Variants in ZNF469 observed in about 807,000 individuals in gnomAD.
The protein encoded by ZNF469 is zinc finger protein 469.
ZNF469 carries 1 observed loss-of-function variant against 1.0 expected under a neutral mutation model. The observed-to-expected ratio is 1.00, with a 90% CI of 0.35 to 4.73. ZNF469 has a LOEUF of 4.73. ZNF469 is among the 30% of genes most tolerant of loss of function. The probability of loss-of-function intolerance (pLI) is 0.16; values close to 1 mark genes in which losing one functional copy is unlikely to be tolerated. For synonymous variants in ZNF469, 2,703 were observed against 2,363.4 expected (o/e 1.14, Z -4.17); for missense variants, 6,100 against 5,356.3 (o/e 1.14, Z -4.33).
chr16:88,245,093 C>T, the ZNF469 span, among the ~76,000 whole-genome samples: 1 of 152,086 alleles, frequency 6.6e-6, no homozygotes, highest in Non-Finnish European at 1.5e-5. Context: ...AGCATTTGGT[C>T]TCTGTGGACC....
intron 1 of ZNF469, among the ~76,000 whole-genome samples, chr16:88,404,009 G>A (rs1051528745): frequency 2.0e-5 from 3 of 152,244 alleles, no homozygotes; most frequent in South Asian, 2.1e-4. Context: ...TGCAAACACA[G>A]CCTCTGTGCC....
chr16:88,119,923 C>T, the ZNF469 span, among the ~76,000 whole-genome samples: 1 of 152,166 alleles, frequency 6.6e-6, no homozygotes, highest in East Asian at 1.9e-4. Flanking sequence ...AAGCGAGAGC[C>T]GTCTGTGGAG....
chr16:88,184,650 C>T, the ZNF469 span, among the ~76,000 whole-genome samples: 1 of 152,110 alleles, frequency 6.6e-6, no homozygotes, highest in South Asian at 2.1e-4. Flanking sequence ...CCGCTGTCGC[C>T]GCAAAGCAGA....
the ZNF469 span, among the ~76,000 whole-genome samples, chr16:88,371,951 TCACCACCATCATCACCATCAC>T: frequency 1.4e-3 from 165 of 121,562 alleles, 1 homozygote; most frequent in South Asian, 4.0e-3. Context: ...ATCATCACCA[TCACCACCATCATCACCATCAC>T]CACCATCATC....
rs1173525383 is a variant in ZNF469 at position 88,429,795 on chromosome 16, G to A, written c.2325G>A (p.Ser775=). The A allele has an allele frequency of 1.9e-6, 3 of 1,543,780 alleles. No homozygotes were observed. The highest frequency in any genetic ancestry group is 2.0e-5 in the Admixed American group (1 of 50,886). The change falls in exon 3 of 3, where the codon TCG becomes TCA. Residue 775 remains serine, a synonymous_variant. Transcript: ENST00000565624. ...CTCCAGGCCCCCCTGGGCTCCCCTC[G>A]CCCCCCGCTGCCCCCAGAGTCCCTG... The part of the protein sequence containing the change: ...QRSPGPPGLP[S]PPAAPRVPAD...
At chr16:88,246,489 A>G in the ZNF469 span, among the ~76,000 whole-genome samples, 4 of 152,210 alleles carry the variant, frequency 2.6e-5, no homozygotes, top group African/African-American at 9.6e-5. Flanking sequence ...AGGCATGGAG[A>G]CGGGTAGGAG....
chr16:88,199,498 G>T, the ZNF469 span, among the ~76,000 whole-genome samples: 2 of 152,220 alleles, frequency 1.3e-5, no homozygotes, highest in Non-Finnish European at 2.9e-5. Flanking sequence ...TGAGGACTCT[G>T]CTCCCACCTC....
chr16:88,347,676 A>G, the ZNF469 span, among the ~76,000 whole-genome samples: 10 of 152,218 alleles, frequency 6.6e-5, no homozygotes, highest in Non-Finnish European at 1.3e-4. Flanking sequence ...AGGCGGGGCC[A>G]GTCTCCTCCA....
At chr16:88,273,979 A>G in the ZNF469 span, among the ~76,000 whole-genome samples, 2 of 151,916 alleles carry the variant, frequency 1.3e-5, no homozygotes, top group Non-Finnish European at 2.9e-5. Context: ...AATTTTTTGT[A>G]TTTTTAGTAG....
the ZNF469 span, among the ~76,000 whole-genome samples, chr16:88,296,797 A>G: frequency 2.0e-5 from 3 of 151,826 alleles, no homozygotes; most frequent in Non-Finnish European, 4.4e-5. Flanking sequence ...TCTCACACAC[A>G]TGGTAGTGCA....
At chr16:88,256,662 A>G in the ZNF469 span, among the ~76,000 whole-genome samples, 5 of 152,134 alleles carry the variant, frequency 3.3e-5, no homozygotes, top group African/African-American at 1.2e-4. Context: ...ACCATTTTGC[A>G]TTCCCATCAG....
At chr16:88,169,687 G>A in the ZNF469 span, among the ~76,000 whole-genome samples, 6 of 152,220 alleles carry the variant, frequency 3.9e-5, no homozygotes, top group East Asian at 3.8e-4. This position sits in a 1 kb window ranked among gnomAD's most constrained non-coding sequence, Gnocchi z 6.1. Context: ...GTCGGCCTTC[G>A]TGCTTACATT....
chr16:88,239,875 C>A, the ZNF469 span, among the ~76,000 whole-genome samples: 1 of 148,588 alleles, frequency 6.7e-6, no homozygotes, highest in African/African-American at 2.5e-5. Context: ...TCACTGTGGT[C>A]TCTTAATGAC....
chr16:88,154,527 C>T, the ZNF469 span, among the ~76,000 whole-genome samples: 1 of 152,264 alleles, frequency 6.6e-6, no homozygotes, highest in Non-Finnish European at 1.5e-5. Context: ...GTAGAAAGTT[C>T]TGCCATTTCC....
chr16:88,314,100 C>G, the ZNF469 span, among the ~76,000 whole-genome samples: 983 of 100,216 alleles, frequency 9.8e-3, 1 homozygote, highest in Middle Eastern at 0.041. Context: ...GATGATGCTG[C>G]TGTGGACTGT....
the ZNF469 span, among the ~76,000 whole-genome samples, chr16:88,318,056 A>G: frequency 6.6e-6 from 1 of 152,142 alleles, no homozygotes. Flanking sequence ...TTATTGCCAC[A>G]GAATCTGCCA....
the ZNF469 span, among the ~76,000 whole-genome samples, chr16:88,249,498 A>T: frequency 1.6e-5 from 2 of 126,188 alleles, no homozygotes; most frequent in African/African-American, 6.3e-5. Context: ...GTGCAGTGGC[A>T]CCATCTCGGC....
chr16:88,349,483 C>T, the ZNF469 span, among the ~76,000 whole-genome samples: 1 of 147,300 alleles, frequency 6.8e-6, no homozygotes, highest in African/African-American at 2.5e-5. Context: ...GCACAATACA[C>T]ACCATACACA....
At position 88,428,312 on chromosome 16, in the gene ZNF469, A is replaced by T. The variant is rs1905847649; in HGVS notation, c.842A>T (p.His281Leu). The T allele has an allele frequency of 2.6e-6, 4 of 1,550,202 alleles. No individual in the cohort carries two copies. The East Asian group carries it at 7.3e-5, about 28-fold the overall frequency. Residue 281 changes from histidine (H) to leucine (L), a missense_variant, in exon 3 of 3, where the codon CAT (histidine) becomes CTT (leucine). Physicochemically the swap from His to Leu is moderately conservative, Grantham distance 99 (BLOSUM62 -3). Transcript: ENST00000565624. The part of the protein sequence containing the change: ...VSFQFPFPAL[H>L]GASTKPFPAD... ...TTCCAGTTCCCCTTCCCGGCACTGC[A>T]TGGGGCCAGCACAAAACCCTTCCCT...
Sources: allele counts gnomAD v4.1 joint callset (sites outside exome capture counted in the v4.1 genomes callset), GRCh38; gene constraint gnomAD v4.1.1; non-coding constraint Gnocchi (gnomAD v3.1); transcripts MANE v1.5; gene names NCBI Gene and HGNC (gene_info 2026-07-23, HGNC 2026-07-21).